The following PRAG1 variants were observed in gnomAD, a reference collection of about 807,000 sequenced individuals.
PRAG1 encodes PEAK1 related, kinase-activating pseudokinase 1, also known as inactive tyrosine-protein kinase PRAG1.
PRAG1 carries 110 observed loss-of-function variants against 95.6 expected under a neutral mutation model. The ratio of observed to expected loss-of-function variants is 1.15; its 90% CI spans 0.99 to 1.35. The LOEUF (loss-of-function observed/expected upper bound fraction) is 1.35. Among genes scored for constraint, PRAG1 ranks in the 40% most tolerant of loss-of-function variants. The probability of loss-of-function intolerance (pLI) is 0.00; values close to 1 mark genes in which losing one functional copy is unlikely to be tolerated. For missense variants in PRAG1, 2,554 were observed against 1,864.7 expected (o/e 1.37, Z -6.81); for synonymous variants, 1,052 against 819.4 (o/e 1.28, Z -4.85).
chr8:8,381,149 A>G (rs1800629305), intron 2 of PRAG1, among the ~76,000 whole-genome samples: 1 of 152,182 alleles, frequency 6.6e-6, no homozygotes, highest in South Asian at 2.1e-4. Context: ...TTTTTTTAAA[A>G]AAGCTTCATT....
chr8:8,372,850 A>G (rs1369086315), intron 3 of PRAG1, among the ~76,000 whole-genome samples: 1 of 152,230 alleles, frequency 6.6e-6, no homozygotes, highest in Admixed American at 6.5e-5. Context: ...AACAGGCAAA[A>G]GAGAAAATCA....
Position 8,318,209 on chromosome 8 carries a change from G to A in PRAG1, c.4166C>T (p.Ala1389Val), listed in dbSNP as rs1011664102. Residue 1389 changes from alanine (A) to valine (V), a missense_variant, in exon 6 of 6, where the codon GCG (alanine) becomes GTG (valine). Coordinates refer to ENST00000615670, the MANE Select transcript of PRAG1 (RefSeq NM_001080826.3). The surrounding 1 kb of genome is among the most constrained non-coding windows in gnomAD (Gnocchi z 4.2). ...LEDWLCCQYL[A>V]SAEPGALLQS... The stretch of plus-strand genomic sequence containing the variant: ...TAAGAGGGCCCCGGGCTCCGCAGAC[G>A]CCAGGTACTGGCAGCAAAGCCAGTC... The A allele has an allele frequency of 5.0e-6, 8 of 1,614,002 alleles. No homozygotes were observed. Among genetic ancestry groups the A allele is most frequent in the Non-Finnish European group, 6.8e-6 (8 of 1,180,024 alleles).
At chr8:8,329,027 T>A (rs1288171073) in intron 4 of PRAG1, among the ~76,000 whole-genome samples, 1 of 152,148 alleles carries the variant, frequency 6.6e-6, no homozygotes, top group Non-Finnish European at 1.5e-5. Context: ...AATAACAAAC[T>A]CGAACATGTG....
intron 2 of PRAG1, among the ~76,000 whole-genome samples, chr8:8,380,880 TA>T (rs1266296837): frequency 7.0e-6 from 1 of 143,342 alleles, no homozygotes; most frequent in African/African-American, 2.7e-5. Context: ...AAAAAAAAAT[TA>T]AGTGTGATAA....
At chr8:8,329,679 C>G (rs1798757598) in intron 4 of PRAG1, among the ~76,000 whole-genome samples, 1 of 152,212 alleles carries the variant, frequency 6.6e-6, no homozygotes, top group Admixed American at 6.5e-5. Flanking sequence ...TAATAACCTT[C>G]TAGCTCACAC....
At chr8:8,385,702 C>T (rs1800823270) in intron 1 of PRAG1, among the ~76,000 whole-genome samples, 1 of 152,238 alleles carries the variant, frequency 6.6e-6, no homozygotes, top group African/African-American at 2.4e-5. Context: ...GCTGCGAATG[C>T]CCGGCCGCCT....
At chr8:8,379,496 GT>G (rs1800561783) in intron 2 of PRAG1, among the ~76,000 whole-genome samples, 1 of 152,194 alleles carries the variant, frequency 6.6e-6, no homozygotes, top group African/African-American at 2.4e-5. Context: ...GAGAATGGGT[GT>G]AAGCAGCTTA....
intron 5 of PRAG1, 74 bp from the exon 6 acceptor site, chr8:8,319,376 G>A: frequency 1.6e-6 from 2 of 1,284,704 alleles, no homozygotes; most frequent in South Asian, 3.2e-5. Context: ...GGAAACATTT[G>A]AGTATCTACG....
chr8:8,333,753 A>G (rs1359516056), intron 4 of PRAG1, among the ~76,000 whole-genome samples: 1 of 152,232 alleles, frequency 6.6e-6, no homozygotes, highest in Admixed American at 6.5e-5. Flanking sequence ...ATGCAGAAGC[A>G]AAGGGCAGCG....
chr8:8,375,522 A>C (rs1800357371), intron 3 of PRAG1, among the ~76,000 whole-genome samples: 1 of 151,874 alleles, frequency 6.6e-6, no homozygotes, highest in Non-Finnish European at 1.5e-5. Flanking sequence ...TTAAAAACCC[A>C]CATCTGAGGG....
chr8:8,360,867 A>G (rs1194251518), intron 3 of PRAG1, among the ~76,000 whole-genome samples: 1 of 152,162 alleles, frequency 6.6e-6, no homozygotes, highest in Non-Finnish European at 1.5e-5. Flanking sequence ...AGTGGGTGGC[A>G]TTATTTTTAT....
chr8:8,356,119 T>C (rs1042336281), intron 3 of PRAG1, among the ~76,000 whole-genome samples: 2 of 152,196 alleles, frequency 1.3e-5, no homozygotes, highest in African/African-American at 4.8e-5. Context: ...GCAAAGGATC[T>C]GAACAGACAT....
chr8:8,371,007 G>A (rs1273038826), intron 3 of PRAG1, among the ~76,000 whole-genome samples: 1 of 151,634 alleles, frequency 6.6e-6, no homozygotes, highest in Non-Finnish European at 1.5e-5. Context: ...GCGTGGTGGC[G>A]CACCTGTAAT....
Position 8,318,134 on chromosome 8 carries a change from G to C in PRAG1, c.*20C>G, listed in dbSNP as rs1393974658. On this transcript the variant is annotated 3_prime_UTR_variant, in exon 6 of 6. Coordinates refer to ENST00000615670, the MANE Select transcript of PRAG1 (RefSeq NM_001080826.3). The surrounding 1 kb of genome is among the most constrained non-coding windows in gnomAD (Gnocchi z 4.2). ...GGTTAGGCAGGGAAGGGGCAGCGACGGTGCAGGCTGGGGCTTGGCTCACAG... is the reference window on the plus strand; with the variant it reads ...GGTTAGGCAGGGAAGGGGCAGCGACCGTGCAGGCTGGGGCTTGGCTCACAG... The C allele has an allele frequency of 9.4e-6, 15 of 1,595,598 alleles. No individual in the cohort carries two copies. Among genetic ancestry groups the C allele is most frequent in the Middle Eastern group, 3.6e-4 (2 of 5,614 alleles).
chr8:8,383,468 C>G (rs965922961), intron 1 of PRAG1, among the ~76,000 whole-genome samples: 4 of 151,968 alleles, frequency 2.6e-5, no homozygotes, highest in African/African-American at 9.7e-5. Flanking sequence ...GTGGTCCCAG[C>G]TACTTGGGAG....
chr8:8,365,618 C>G (rs1799975768), intron 3 of PRAG1, among the ~76,000 whole-genome samples: 1 of 151,184 alleles, frequency 6.6e-6, no homozygotes, highest in East Asian at 2.0e-4. Flanking sequence ...CAGTGAAACT[C>G]CAACTCAAAA....
intron 3 of PRAG1, among the ~76,000 whole-genome samples, chr8:8,350,756 A>ATC (rs1799494228): frequency 6.6e-6 from 1 of 152,180 alleles, no homozygotes; most frequent in Admixed American, 6.5e-5. Flanking sequence ...AAGGCCCTTA[A>ATC]TCTCTCTCTG....
chr8:8,356,962 T>G (rs1799702024), intron 3 of PRAG1, among the ~76,000 whole-genome samples: 1 of 152,160 alleles, frequency 6.6e-6, no homozygotes, highest in South Asian at 2.1e-4. Flanking sequence ...ATGGTGCTGG[T>G]AAAAGTGAAT....
intron 3 of PRAG1, among the ~76,000 whole-genome samples, chr8:8,363,078 T>C (rs1799894063): frequency 7.0e-6 from 1 of 143,280 alleles, no homozygotes; most frequent in Non-Finnish European, 1.5e-5. Flanking sequence ...TATAGATATA[T>C]ATATGTGTGC....
Sources: gnomAD v4.1 joint callset for allele counts (sites outside exome capture counted in the v4.1 genomes callset) on GRCh38, gnomAD v4.1.1 for gene constraint, Gnocchi (gnomAD v3.1) non-coding constraint, MANE v1.5 for transcripts, NCBI Gene and HGNC (gene_info 2026-07-23, HGNC 2026-07-21) for gene names.